Variants in COL5A2 observed in about 807,000 individuals in gnomAD.
The protein encoded by COL5A2 is collagen alpha-2(V) chain.
COL5A2 carries 23 observed loss-of-function variants against 208.2 expected under a neutral mutation model. The observed-to-expected ratio is 0.11, with a 90% CI of 0.08 to 0.16. The LOEUF is 0.16. Among genes scored for constraint, COL5A2 ranks in the 10% least tolerant of loss-of-function variants. The pLI, the probability that COL5A2 is intolerant of heterozygous loss-of-function variation, is 1.00. For missense variants in COL5A2, 1,590 were observed against 1,956.4 expected (o/e 0.81, Z 3.53); for synonymous variants, 625 against 628.5 (o/e 0.99, Z 0.08).
chr2:189,366,137 T>C, the COL5A2 span, among the ~76,000 whole-genome samples: 1 of 152,166 alleles, frequency 6.6e-6, no homozygotes, highest in African/African-American at 2.4e-5. Flanking sequence ...AAAAGGCCCT[T>C]GTAAGGATTA....
the COL5A2 span, among the ~76,000 whole-genome samples, chr2:189,233,473 T>C: frequency 2.6e-5 from 4 of 151,528 alleles, no homozygotes; most frequent in African/African-American, 9.7e-5. Context: ...CTCTAAAAAG[T>C]AGTCACCAGA....
chr2:189,416,319 C>G, the COL5A2 span, among the ~76,000 whole-genome samples: 1 of 152,130 alleles, frequency 6.6e-6, no homozygotes, highest in Non-Finnish European at 1.5e-5. Context: ...CCCAAATGCC[C>G]AACAATGATA....
At chr2:189,245,945 T>C in the COL5A2 span, among the ~76,000 whole-genome samples, 1 of 152,200 alleles carries the variant, frequency 6.6e-6, no homozygotes, top group African/African-American at 2.4e-5. Context: ...CAGCTAATAT[T>C]GTGGAAGCCA....
At chr2:189,118,765 T>C (rs1224301164) in intron 1 of COL5A2, among the ~76,000 whole-genome samples, 3 of 152,170 alleles carry the variant, frequency 2.0e-5, no homozygotes, top group East Asian at 1.9e-4. Flanking sequence ...CTTGGAAATA[T>C]CTAGTGACTT....
the COL5A2 span, among the ~76,000 whole-genome samples, chr2:189,343,552 C>T: frequency 6.6e-6 from 1 of 152,052 alleles, no homozygotes; most frequent in East Asian, 1.9e-4. Flanking sequence ...ACAAAAAGTT[C>T]ACCTACAAGC....
Position 189,072,046 on chromosome 2 carries a change from T to A in COL5A2, c.1152A>T (p.Gly384=), listed in dbSNP as rs531278365. 6.2e-7 allele frequency: 1 copy of A among 1,603,270 alleles called. No individual in the cohort carries two copies. The highest frequency in any genetic ancestry group is 1.3e-5 in the African/African-American group (1 of 74,820). ...PGSSGFPGNP[G]MKGEAGPTGA... is the part of the protein sequence containing the mutation. ...ATTAACATTAACATCTTACCTTCAT[T>A]CCAGGATTTCCTGGAAAACCAGAAG... Residue 384 remains glycine (G), a synonymous_variant, in exon 18 of 54, where the codon GGA becomes GGT. Coordinates refer to ENST00000374866, the MANE Select transcript of COL5A2 (RefSeq NM_000393.5).
At chr2:189,060,213 A>G (rs1232535671) in intron 31 of COL5A2, among the ~76,000 whole-genome samples, 1 of 152,074 alleles carries the variant, frequency 6.6e-6, no homozygotes, top group East Asian at 1.9e-4. Context: ...TAGCATTTAG[A>G]GCATGCTATT....
At chr2:189,255,173 T>G in the COL5A2 span, among the ~76,000 whole-genome samples, 1 of 152,170 alleles carries the variant, frequency 6.6e-6, no homozygotes, top group Non-Finnish European at 1.5e-5. Context: ...AATGCAAACA[T>G]AAGTTCCAAG....
chr2:189,151,415 C>T (rs1419130769), intron 1 of COL5A2, among the ~76,000 whole-genome samples: 3 of 152,138 alleles, frequency 2.0e-5, no homozygotes, highest in Non-Finnish European at 2.9e-5. Context: ...AACAGATCTT[C>T]ACAAGAAAAG....
intron 5 of COL5A2, chr2:189,097,600 A>T: frequency 1.6e-6 from 1 of 625,746 alleles, no homozygotes. Context: ...GATTAGCTTG[A>T]CTAGTAATTG....
At chr2:189,047,445 T>C (rs903782461) in intron 45 of COL5A2, among the ~76,000 whole-genome samples, 3 of 152,308 alleles carry the variant, frequency 2.0e-5, no homozygotes, top group African/African-American at 2.4e-5. Flanking sequence ...GTCTATCCTG[T>C]AGTGGAGTGT....
chr2:189,370,146 T>A, the COL5A2 span, among the ~76,000 whole-genome samples: 1 of 152,172 alleles, frequency 6.6e-6, no homozygotes, highest in East Asian at 1.9e-4. Context: ...CCTCTAATTG[T>A]ACTTTTTTCT....
the COL5A2 span, among the ~76,000 whole-genome samples, chr2:189,375,711 T>C: frequency 6.6e-6 from 1 of 152,196 alleles, no homozygotes; most frequent in Non-Finnish European, 1.5e-5. Flanking sequence ...AAGTGGTTAA[T>C]AAGAAATACA....
At chr2:189,308,450 C>T in the COL5A2 span, among the ~76,000 whole-genome samples, 1 of 149,748 alleles carries the variant, frequency 6.7e-6, no homozygotes, top group Non-Finnish European at 1.5e-5. Flanking sequence ...ATTTCTTCGA[C>T]ATATTTTGAA....
intron 6 of COL5A2, among the ~76,000 whole-genome samples, chr2:189,094,588 GACAC>G (rs1175370532): frequency 0.034 from 394 of 11,682 alleles, 37 homozygotes; most frequent in African/African-American, 0.054. Context: ...CTTTCTCTCT[GACAC>G]ACACACACAC....
At chr2:189,310,734 C>A in the COL5A2 span, among the ~76,000 whole-genome samples, 7 of 5,472 alleles carry the variant, frequency 1.3e-3, no homozygotes, top group African/African-American at 3.0e-3. Context: ...GGAGTACTAT[C>A]AAACCAAAAA....
chr2:189,419,323 C>T, the COL5A2 span, among the ~76,000 whole-genome samples: 1 of 152,136 alleles, frequency 6.6e-6, no homozygotes, highest in Non-Finnish European at 1.5e-5. Context: ...ATGTACTCTA[C>T]ACGTACACAA....
At chr2:189,428,343 G>A in the COL5A2 span, among the ~76,000 whole-genome samples, 1 of 152,170 alleles carries the variant, frequency 6.6e-6, no homozygotes, top group East Asian at 1.9e-4. Flanking sequence ...CTGTGAGCCA[G>A]GCATGGTGGC....
intron 1 of COL5A2, among the ~76,000 whole-genome samples, chr2:189,111,931 T>A (rs528612028): frequency 2.0e-5 from 3 of 152,124 alleles, no homozygotes; most frequent in Admixed American, 1.3e-4. Flanking sequence ...AATGGTGCGA[T>A]CTCAGCTCAT....
Sources: allele counts gnomAD v4.1 joint callset (sites outside exome capture counted in the v4.1 genomes callset), GRCh38; gene constraint gnomAD v4.1.1; transcripts MANE v1.5; gene names NCBI Gene and HGNC (gene_info 2026-07-23, HGNC 2026-07-21).